Variants in ODAM observed in about 807,000 individuals in gnomAD.
The protein encoded by ODAM is odontogenic ameloblast-associated protein.
Under a neutral mutation model 48.5 loss-of-function variants are expected in ODAM, and 55 were observed. The ratio of observed to expected loss-of-function variants is 1.13; its 90% CI spans 0.91 to 1.42. The LOEUF is 1.42. Ranked by LOEUF, ODAM falls within the 40% of genes most tolerant of loss-of-function variation. The pLI, the probability that ODAM is intolerant of heterozygous loss-of-function variation, is 0.00. For synonymous variants in ODAM, 127 were observed against 107.8 expected (o/e 1.18, Z -1.10); for missense variants, 353 against 323.6 (o/e 1.09, Z -0.70).
chr4:70,197,696 C>T, intron 4 of ODAM: 1 of 573,816 alleles, frequency 1.7e-6, no homozygotes, highest in Non-Finnish European at 3.1e-6. Flanking sequence ...ATGTTGGGCT[C>T]TTTTATCAAC....
chr4:70,202,338 C>A lies in ODAM; in HGVS notation c.648+9C>A. The A allele has an allele frequency of 6.2e-7, 1 of 1,604,252 alleles. No homozygotes were observed. The highest frequency in any genetic ancestry group is 1.3e-5 in the African/African-American group (1 of 74,716). ...CTGAAATTGCTGTGATGGTAAGATT[C>A]CTTACAACACTTTGCCAGCTACTGG... On this transcript the variant is annotated intron_variant, in intron 9 of 11. Coordinates refer to ENST00000683306, the MANE Select transcript of ODAM (RefSeq NM_017855.4).
intron 9 of ODAM, 86 bp from the exon 10 acceptor site, chr4:70,202,670 C>G (rs928120680): frequency 6.5e-5 from 63 of 974,282 alleles, no homozygotes; most frequent in Non-Finnish European, 4.6e-6. Flanking sequence ...TTTGTTACAT[C>G]TCAATCCTGT....
At chr4:70,199,675 T>C (rs1729455064) in intron 6 of ODAM, among the ~76,000 whole-genome samples, 1 of 151,978 alleles carries the variant, frequency 6.6e-6, no homozygotes, top group Admixed American at 6.6e-5. Context: ...CAATACCCCA[T>C]GAATAGATGT....
At chr4:70,198,419 T>C (rs537345491) in intron 5 of ODAM, among the ~76,000 whole-genome samples, 160 bp from the exon 6 acceptor site, 2 of 152,116 alleles carry the variant, frequency 1.3e-5, no homozygotes, top group East Asian at 3.9e-4. Context: ...ACTTCAATAA[T>C]AGGCAGTTTA....
At chr4:70,199,318 A>G (rs1260774433) in intron 6 of ODAM, among the ~76,000 whole-genome samples, 1 of 152,044 alleles carries the variant, frequency 6.6e-6, no homozygotes, top group East Asian at 1.9e-4. Context: ...GCCTTTTCAT[A>G]AAAAGTTACA....
chr4:70,196,031 T>C (rs1403587779), intron 1 of ODAM, among the ~76,000 whole-genome samples: 1 of 152,036 alleles, frequency 6.6e-6, no homozygotes. Context: ...CTCAGTTGCT[T>C]AGTTCTAGTA....
rs954666374 is a variant in ODAM, at chr4:70,200,421, T to C, written c.424-76T>C. ...GACATAAAACAGCTTTTAAATAAAA[T>C]TGACATTAGAAGATAAAAAGTATGT... On this transcript the variant is annotated intron_variant, in intron 6 of 11. Coordinates refer to ENST00000683306, the MANE Select transcript of ODAM (RefSeq NM_017855.4). The C allele has an allele frequency of 1.2e-5, 9 of 723,162 alleles. No individual in the cohort carries two copies. The Admixed American group carries it at 2.4e-4, about 19-fold the overall frequency. 44.8% of individuals were successfully genotyped at this position (723,162 alleles called of 1,614,324 possible). A position where few individuals can be genotyped will look rare whatever the true frequency, so the allele number is the denominator to read the frequency against.
chr4:70,199,392 C>A (rs555487420), intron 6 of ODAM, among the ~76,000 whole-genome samples: 1 of 151,932 alleles, frequency 6.6e-6, no homozygotes, highest in Non-Finnish European at 1.5e-5. Context: ...CATTATAAAA[C>A]AAAAGTTACT....
chr4:70,202,120 T>A (rs956448893), intron 8 of ODAM, 138 bp from the exon 9 acceptor site: 4 of 654,530 alleles, frequency 6.1e-6, no homozygotes, highest in African/African-American at 5.5e-5. Context: ...ATAGCAAAAA[T>A]TAAACTATTA....
chr4:70,196,195 G>A (rs1729353785), intron 1 of ODAM, among the ~76,000 whole-genome samples: 1 of 151,944 alleles, frequency 6.6e-6, no homozygotes, highest in Non-Finnish European at 1.5e-5. Flanking sequence ...CCCATGGTCT[G>A]ATGGGCCTGC....
intron 3 of ODAM, 36 bp from the exon 4 acceptor site, chr4:70,197,238 A>T: frequency 1.1e-6 from 1 of 930,806 alleles, no homozygotes; most frequent in South Asian, 1.3e-5. Flanking sequence ...TTTAGTGTGT[A>T]GTAATCTTGA....
intron 8 of ODAM, 42 bp from the exon 9 acceptor site, chr4:70,202,216 C>G: frequency 6.8e-7 from 1 of 1,480,730 alleles, no homozygotes; most frequent in South Asian, 1.1e-5. Context: ...ATATTTTCAA[C>G]GATCACTGAT....
intron 6 of ODAM, among the ~76,000 whole-genome samples, chr4:70,199,559 C>G (rs1387073991): frequency 6.6e-6 from 1 of 151,994 alleles, no homozygotes; most frequent in African/African-American, 2.4e-5. Flanking sequence ...ATTCTCCACC[C>G]CTTCTGTCTC....
In ODAM at chr4:70,203,644, A is replaced by G. The variant is rs547963833; in HGVS notation, c.*29+430A>G. Among the ~76,000 whole-genome samples, 8 of 152,064 alleles carry G rather than the reference A, an allele frequency of 5.3e-5. No homozygotes were observed. The South Asian group carries it at 1.7e-3, about 31-fold the overall frequency. ...CAATGAAAAGAAAATTTCAAATTCC[A>G]TGACTTTTATATCAGACATAATCTT... is the stretch of plus-strand genomic sequence containing the variant. On this transcript the variant is annotated intron_variant, in intron 11 of 11. Coordinates refer to ENST00000683306, the MANE Select transcript of ODAM (RefSeq NM_017855.4).
chr4:70,200,743 G>T (rs767994288), intron 7 of ODAM, 142 bp downstream of exon 7: 4 of 520,734 alleles, frequency 7.7e-6, no homozygotes, highest in Non-Finnish European at 1.4e-5. Flanking sequence ...AAGAGGGTAG[G>T]TATAGTGTTC....
chr4:70,197,918 T>G lies in ODAM; in HGVS notation c.142-6T>G. The G allele has an allele frequency of 1.9e-6, 3 of 1,611,254 alleles. No homozygotes were observed. Among genetic ancestry groups the G allele is most frequent in the Non-Finnish European group, 2.5e-6 (3 of 1,178,066 alleles). ...AACATGCTTTCTTTCCTTTGTGTCT[T>G]TTTAGGGCCCACTTAATTCATGGAT... On this transcript the variant is annotated splice_region_variant and splice_polypyrimidine_tract_variant and intron_variant, in intron 4 of 11. Coordinates refer to ENST00000683306, the MANE Select transcript of ODAM (RefSeq NM_017855.4).
intron 3 of ODAM, among the ~76,000 whole-genome samples, chr4:70,197,011 A>C (rs1729380270): frequency 6.6e-6 from 1 of 152,072 alleles, no homozygotes; most frequent in Non-Finnish European, 1.5e-5. Context: ...TAGGTGTTTA[A>C]AAACATAAAA....
intron 1 of ODAM, among the ~76,000 whole-genome samples, chr4:70,196,108 A>G (rs879461352): frequency 3.3e-5 from 5 of 151,982 alleles, no homozygotes; most frequent in Non-Finnish European, 1.5e-5. Context: ...TCAAATCTCT[A>G]TTGAAGTACT....
chr4:70,200,934 G>T (rs1415707939), intron 7 of ODAM, among the ~76,000 whole-genome samples: 1 of 151,840 alleles, frequency 6.6e-6, no homozygotes, highest in Non-Finnish European at 1.5e-5. Context: ...TGTGTGTGTG[G>T]TTACTATTTA....
Sources: gnomAD v4.1 joint callset for allele counts (sites outside exome capture counted in the v4.1 genomes callset) on GRCh38, gnomAD v4.1.1 for gene constraint, MANE v1.5 for transcripts, NCBI Gene and HGNC (gene_info 2026-07-23, HGNC 2026-07-21) for gene names.